The following SCHIP1 variants were observed in gnomAD, a reference collection of about 807,000 sequenced individuals.
The protein encoded by SCHIP1 is schwannomin-interacting protein 1.
SCHIP1 carries 8 observed loss-of-function variants against 29.7 expected under a neutral mutation model. That is an observed-to-expected ratio of 0.27 (90% CI 0.16 to 0.49). The LOEUF (loss-of-function observed/expected upper bound fraction) is 0.49. Among genes scored for constraint, SCHIP1 ranks in the 20% least tolerant of loss-of-function variants. SCHIP1 has a pLI of 0.99. For missense variants in SCHIP1, 193 were observed against 294.6 expected (o/e 0.66, Z 2.52); for synonymous variants, 76 against 94.9 (o/e 0.80, Z 1.16).
the SCHIP1 span, among the ~76,000 whole-genome samples, chr3:159,827,815 A>G: frequency 1.6e-4 from 25 of 151,720 alleles, no homozygotes; most frequent in Admixed American, 3.3e-4. Flanking sequence ...CCGTCTCAAA[A>G]AAAAAAAAAA....
chr3:159,389,133 C>A, the SCHIP1 span, among the ~76,000 whole-genome samples: 1 of 151,832 alleles, frequency 6.6e-6, no homozygotes, highest in Non-Finnish European at 1.5e-5. Flanking sequence ...TTGGCAAAGG[C>A]TTAATATCTC....
the SCHIP1 span, among the ~76,000 whole-genome samples, chr3:159,438,100 A>G: frequency 6.6e-6 from 1 of 152,166 alleles, no homozygotes; most frequent in African/African-American, 2.4e-5. Flanking sequence ...ATTCTCACTC[A>G]TTGTCTAGAT....
chr3:159,470,743 C>T, the SCHIP1 span, among the ~76,000 whole-genome samples: 2 of 151,984 alleles, frequency 1.3e-5, no homozygotes, highest in African/African-American at 4.8e-5. Context: ...CATCAACTGT[C>T]GAACCAAAAC....
the SCHIP1 span, among the ~76,000 whole-genome samples, chr3:159,771,706 TTA>T: frequency 2.1e-4 from 31 of 149,644 alleles, no homozygotes; most frequent in South Asian, 6.3e-3. Context: ...TTTTTTTTTT[TTA>T]AATTAGGTTG....
At chr3:159,498,723 T>C in the SCHIP1 span, among the ~76,000 whole-genome samples, 1 of 152,050 alleles carries the variant, frequency 6.6e-6, no homozygotes, top group South Asian at 2.1e-4. Context: ...CTCACAGCAG[T>C]CCTATTTATG....
the SCHIP1 span, among the ~76,000 whole-genome samples, chr3:159,524,742 G>C: frequency 3.3e-5 from 5 of 152,314 alleles, no homozygotes; most frequent in East Asian, 7.7e-4. Context: ...ACCCAAAGAG[G>C]AAAGGGCAGA....
At chr3:159,748,800 A>G in the SCHIP1 span, among the ~76,000 whole-genome samples, 33 of 152,360 alleles carry the variant, frequency 2.2e-4, no homozygotes, top group African/African-American at 7.9e-4. Context: ...AGAAGTAAAG[A>G]AGGCAAAAAG....
chr3:159,518,991 T>C, the SCHIP1 span, among the ~76,000 whole-genome samples: 1 of 152,100 alleles, frequency 6.6e-6, no homozygotes, highest in Non-Finnish European at 1.5e-5. Flanking sequence ...AGGAAATATT[T>C]CTTAATTTAT....
At chr3:159,382,010 G>T in the SCHIP1 span, among the ~76,000 whole-genome samples, 2 of 151,962 alleles carry the variant, frequency 1.3e-5, no homozygotes, top group African/African-American at 4.8e-5. Flanking sequence ...AGCCATAAAT[G>T]CTTCGGCCTA....
the SCHIP1 span, among the ~76,000 whole-genome samples, chr3:159,609,896 T>C: frequency 1.3e-5 from 2 of 152,096 alleles, no homozygotes; most frequent in South Asian, 2.1e-4. Flanking sequence ...AATGACCTAA[T>C]CAGACATGCA....
chr3:159,342,342 A>C, the SCHIP1 span, among the ~76,000 whole-genome samples: 7 of 152,190 alleles, frequency 4.6e-5, no homozygotes, highest in African/African-American at 1.4e-4. Context: ...GCTAAGTTTC[A>C]ATTTCTAACT....
At chr3:159,374,569 A>G in the SCHIP1 span, among the ~76,000 whole-genome samples, 1 of 152,206 alleles carries the variant, frequency 6.6e-6, no homozygotes, top group African/African-American at 2.4e-5. Context: ...ATGATGAGAC[A>G]TGACAAAATC....
chr3:159,738,368 A>T, the SCHIP1 span, among the ~76,000 whole-genome samples: 9 of 152,154 alleles, frequency 5.9e-5, no homozygotes, highest in Non-Finnish European at 1.2e-4. Flanking sequence ...TTTGCATATT[A>T]TGTCTTTCAA....
At chr3:159,503,931 G>A in the SCHIP1 span, among the ~76,000 whole-genome samples, 1 of 152,200 alleles carries the variant, frequency 6.6e-6, no homozygotes, top group Non-Finnish European at 1.5e-5. Context: ...AACTGTGAAA[G>A]TGAGTAATTA....
the SCHIP1 span, among the ~76,000 whole-genome samples, chr3:159,341,970 T>TCAA: frequency 3.0e-4 from 46 of 152,330 alleles, no homozygotes; most frequent in African/African-American, 1.1e-3. Context: ...ATTTTAGATG[T>TCAA]CAACTTAAAA....
chr3:159,432,593 G>T, the SCHIP1 span, among the ~76,000 whole-genome samples: 3 of 152,176 alleles, frequency 2.0e-5, no homozygotes, highest in Non-Finnish European at 2.9e-5. Flanking sequence ...TAGGTCTTGA[G>T]GTGGATAAAT....
chr3:159,797,900 G>A, the SCHIP1 span, among the ~76,000 whole-genome samples: 3 of 152,240 alleles, frequency 2.0e-5, no homozygotes, highest in Non-Finnish European at 4.4e-5. Context: ...AAAGCAGGAA[G>A]AGGCAGCAGA....
At chr3:159,626,251 TATAGATAGATAGATAG>T in the SCHIP1 span, among the ~76,000 whole-genome samples, 293 of 93,720 alleles carry the variant, frequency 3.1e-3, 6 homozygotes, top group African/African-American at 0.014. Flanking sequence ...TATCTATCTA[TATAGATAGATAGATAG>T]ATAGATAGAT....
the SCHIP1 span, among the ~76,000 whole-genome samples, chr3:159,450,094 A>C: frequency 1.3e-5 from 2 of 152,202 alleles, no homozygotes; most frequent in Non-Finnish European, 2.9e-5. Flanking sequence ...TCTCTATCAA[A>C]GAGAGTTCAA....
Sources: allele counts gnomAD v4.1 joint callset (sites outside exome capture counted in the v4.1 genomes callset), GRCh38; gene constraint gnomAD v4.1.1; transcripts MANE v1.5; gene names NCBI Gene and HGNC (gene_info 2026-07-23, HGNC 2026-07-21).